Variants in TRPM3 observed in about 807,000 individuals in gnomAD.
TRPM3 encodes the protein transient receptor potential cation channel subfamily M member 3, also known as long transient receptor potential channel 3.
In TRPM3, 77 loss-of-function variants were observed where a neutral mutation model predicts 181.2. The observed-to-expected ratio is 0.42, with a 90% CI of 0.35 to 0.51. The LOEUF is 0.51. Among genes scored for constraint, TRPM3 ranks in the 20% least tolerant of loss-of-function variants. The pLI, the probability that TRPM3 is intolerant of heterozygous loss-of-function variation, is 0.01. For synonymous variants in TRPM3, 745 were observed against 796.4 expected, an observed-to-expected ratio of 0.94 and a Z score of 1.09; for missense variants, 1,759 against 2,196.7, an observed-to-expected ratio of 0.80 and a Z score of 3.98.
intron 20 of TRPM3, among the ~76,000 whole-genome samples, chr9:70,601,048 G>C (rs144380305): frequency 1.7e-4 from 26 of 152,246 alleles, no homozygotes; most frequent in Admixed American, 5.2e-4. Flanking sequence ...GGAGCATCGT[G>C]GGGGAGTAGA....
intron 1 of TRPM3, among the ~76,000 whole-genome samples, chr9:71,374,757 T>C (rs1018762098): frequency 1.3e-5 from 2 of 152,196 alleles, no homozygotes; most frequent in Non-Finnish European, 2.9e-5. Flanking sequence ...TGTCTCAGGA[T>C]GTAAAATTAA....
chr9:71,344,502 T>C (rs1467024122), intron 1 of TRPM3, among the ~76,000 whole-genome samples: 2 of 151,844 alleles, frequency 1.3e-5, no homozygotes, highest in Non-Finnish European at 2.9e-5. Context: ...CTAAATCTAC[T>C]AGGGAAAATG....
intron 25 of TRPM3, among the ~76,000 whole-genome samples, chr9:70,547,208 T>C (rs1330271306): frequency 6.6e-6 from 1 of 152,044 alleles, no homozygotes; most frequent in African/African-American, 2.4e-5. Flanking sequence ...TGTAAAATTA[T>C]ATAATCTACA....
At chr9:71,414,864 G>C (rs909221857) in intron 1 of TRPM3, among the ~76,000 whole-genome samples, 2 of 152,054 alleles carry the variant, frequency 1.3e-5, no homozygotes, top group Non-Finnish European at 2.9e-5. Context: ...GACAGGAAAA[G>C]AGCAATAAAT....
intron 1 of TRPM3, among the ~76,000 whole-genome samples, chr9:70,944,877 C>A (rs1384106278): frequency 6.6e-6 from 1 of 151,562 alleles, no homozygotes; most frequent in Non-Finnish European, 1.5e-5. Flanking sequence ...AGACAGACTA[C>A]TCTGCTCACA....
chr9:71,274,680 C>T (rs566040864), intron 1 of TRPM3, among the ~76,000 whole-genome samples: 247 of 152,314 alleles, frequency 1.6e-3, no homozygotes, highest in African/African-American at 5.7e-3. Context: ...AAATAAGTGT[C>T]ATTTTCTTGA....
chr9:70,756,512 C>G (rs892084254), intron 8 of TRPM3, among the ~76,000 whole-genome samples: 1 of 152,158 alleles, frequency 6.6e-6, no homozygotes, highest in Non-Finnish European at 1.5e-5. Flanking sequence ...ATCTACAGAA[C>G]TTTCCACCCC....
chr9:70,917,218 A>G, intron 1 of TRPM3: 2 of 1,587,340 alleles, frequency 1.3e-6, no homozygotes, highest in Admixed American at 3.3e-5. Context: ...CCTGGATTGC[A>G]AAATACAGGG....
rs1318414528 is a variant in TRPM3, at chr9:70,637,064, C to T, written c.1582-1803G>A. 3.9e-5 allele frequency among the ~76,000 whole-genome samples: 6 copies of T among 152,214 alleles called. No homozygotes were observed. The East Asian group carries it at 5.8e-4, about 15-fold the overall frequency. On this transcript the variant is annotated intron_variant, in intron 11 of 25. Coordinates refer to ENST00000677713, the MANE Select transcript of TRPM3 (RefSeq NM_001366145.2). ...GCAACGACCTGCCCATTCATGTGGA[C>T]GTGCCCATCAGAGCTCTTTTTCCAC...
intron 1 of TRPM3, among the ~76,000 whole-genome samples, chr9:71,322,302 C>G (rs2089297845): frequency 6.6e-6 from 1 of 152,072 alleles, no homozygotes; most frequent in African/African-American, 2.4e-5. Context: ...GAATTTTGCA[C>G]AGATAATTCA....
chr9:70,783,614 C>T (rs1030969761), intron 7 of TRPM3, among the ~76,000 whole-genome samples: 2 of 152,120 alleles, frequency 1.3e-5, no homozygotes, highest in South Asian at 2.1e-4. Context: ...TTGACTTTCC[C>T]AGCCCGTCTA....
At chr9:70,818,451 G>A (rs1264391599) in intron 6 of TRPM3, among the ~76,000 whole-genome samples, 1 of 152,146 alleles carries the variant, frequency 6.6e-6, no homozygotes, top group African/African-American at 2.4e-5. Context: ...CAGGTAAAGC[G>A]CCCACATTTC....
intron 22 of TRPM3, among the ~76,000 whole-genome samples, chr9:70,586,268 C>G (rs1486667954): frequency 1.3e-5 from 2 of 152,206 alleles, no homozygotes; most frequent in Non-Finnish European, 2.9e-5. Flanking sequence ...GCTCACAGTA[C>G]AAACAAAATA....
chr9:71,105,689 C>A (rs949405418), intron 1 of TRPM3, among the ~76,000 whole-genome samples: 2 of 152,148 alleles, frequency 1.3e-5, no homozygotes, highest in African/African-American at 4.8e-5. Flanking sequence ...ATGCTCCTGG[C>A]TAAACCTTGC....
intron 1 of TRPM3, among the ~76,000 whole-genome samples, chr9:71,006,795 C>T (rs1260419617): frequency 2.7e-5 from 4 of 146,158 alleles, no homozygotes; most frequent in Non-Finnish European, 4.5e-5. Context: ...GGCGTGAACC[C>T]GGGAGGCGGA....
chr9:70,602,283 C>T (rs2060182109), intron 20 of TRPM3, among the ~76,000 whole-genome samples: 3 of 152,132 alleles, frequency 2.0e-5, no homozygotes, highest in Admixed American at 2.0e-4. Flanking sequence ...ACAACTGCAT[C>T]TAACAGATAC....
chr9:70,977,375 C>T (rs1259756990), intron 1 of TRPM3, among the ~76,000 whole-genome samples: 2 of 152,214 alleles, frequency 1.3e-5, no homozygotes, highest in African/African-American at 4.8e-5. Context: ...ACCTCGTGAT[C>T]CCCCGGCATT....
chr9:70,700,915 G>A (rs1006827071), intron 8 of TRPM3, among the ~76,000 whole-genome samples: 3 of 152,144 alleles, frequency 2.0e-5, no homozygotes, highest in Non-Finnish European at 4.4e-5. Flanking sequence ...TACTGTAGAG[G>A]GCAGGTTGTC....
At chr9:71,184,246 G>A (rs1404756338) in intron 1 of TRPM3, among the ~76,000 whole-genome samples, 2 of 152,086 alleles carry the variant, frequency 1.3e-5, no homozygotes, top group Non-Finnish European at 2.9e-5. Flanking sequence ...TGGATCAAAG[G>A]ATAACTAATG....
Sources: allele counts gnomAD v4.1 joint callset (sites outside exome capture counted in the v4.1 genomes callset), GRCh38; gene constraint gnomAD v4.1.1; transcripts MANE v1.5; gene names NCBI Gene and HGNC (gene_info 2026-07-23, HGNC 2026-07-21).